The following NCAM2 variants were observed in gnomAD, a reference collection of about 807,000 sequenced individuals.
The protein encoded by NCAM2 is neural cell adhesion molecule 2.
NCAM2 carries 30 observed loss-of-function variants against 98.1 expected under a neutral mutation model. The observed-to-expected ratio is 0.31, with a 90% CI of 0.23 to 0.41. The LOEUF (loss-of-function observed/expected upper bound fraction) is 0.41. NCAM2 is among the 10% of genes least tolerant of loss of function. The pLI is 1.00. For missense variants in NCAM2, 867 were observed against 1,005.8 expected (o/e 0.86, Z 1.87); for synonymous variants, 368 against 342.4 (o/e 1.07, Z -0.83).
chr21:21,435,674 T>G (rs1480451975), intron 12 of NCAM2, among the ~76,000 whole-genome samples: 1 of 152,188 alleles, frequency 6.6e-6, no homozygotes, highest in African/African-American at 2.4e-5. Flanking sequence ...AGTTGAAAAT[T>G]ACAGCACTAC....
intron 1 of NCAM2, among the ~76,000 whole-genome samples, chr21:21,128,847 T>A: frequency 6.6e-6 from 1 of 152,166 alleles, no homozygotes; most frequent in South Asian, 2.1e-4. Flanking sequence ...CTATACAAAA[T>A]CAAATCAGAA....
At chr21:21,016,007 C>T (rs911116181) in intron 1 of NCAM2, among the ~76,000 whole-genome samples, 1 of 152,098 alleles carries the variant, frequency 6.6e-6, no homozygotes, top group African/African-American at 2.4e-5. Context: ...AATGCCCAGT[C>T]GCCTGTATTT....
intron 16 of NCAM2, among the ~76,000 whole-genome samples, chr21:21,533,252 A>G (rs1420757096): frequency 4.1e-5 from 6 of 145,104 alleles, no homozygotes; most frequent in African/African-American, 7.6e-5. Context: ...TAAGAAACAT[A>G]ACAGTTTCCC....
intron 1 of NCAM2, among the ~76,000 whole-genome samples, chr21:21,018,097 A>G (rs2064354615): frequency 1.3e-5 from 2 of 152,118 alleles, no homozygotes; most frequent in Admixed American, 1.3e-4. Flanking sequence ...AAAACATTGG[A>G]CTCATTATTC....
intron 1 of NCAM2, among the ~76,000 whole-genome samples, chr21:21,273,868 A>G (rs2072620931): frequency 6.6e-6 from 1 of 152,214 alleles, no homozygotes; most frequent in African/African-American, 2.4e-5. Flanking sequence ...TAGAAAAAGA[A>G]TCACTAAGAA....
At chr21:21,395,447 A>C (rs1392468663) in intron 9 of NCAM2, among the ~76,000 whole-genome samples, 1 of 152,238 alleles carries the variant, frequency 6.6e-6, no homozygotes, top group African/African-American at 2.4e-5. Flanking sequence ...CATACTGCCA[A>C]AAGCAGTCTA....
At chr21:21,348,608 T>C in intron 8 of NCAM2, among the ~76,000 whole-genome samples, 1 of 116,222 alleles carries the variant, frequency 8.6e-6, no homozygotes, top group East Asian at 3.0e-4. Flanking sequence ...CTAAAATTTA[T>C]ATGGAACACA....
At chr21:21,435,946 A>T (rs917172072) in intron 12 of NCAM2, among the ~76,000 whole-genome samples, 2 of 152,176 alleles carry the variant, frequency 1.3e-5, no homozygotes, top group Non-Finnish European at 2.9e-5. Flanking sequence ...GATCAATATA[A>T]ATGCAATGAG....
intron 1 of NCAM2, among the ~76,000 whole-genome samples, chr21:21,209,469 T>TA (rs1207661738): frequency 5.3e-5 from 8 of 152,276 alleles, no homozygotes; most frequent in Admixed American, 3.3e-4. Context: ...GTGGTGGGGT[T>TA]ACAGGTGTGA....
At chr21:21,008,512 C>A (rs1454540565) in intron 1 of NCAM2, among the ~76,000 whole-genome samples, 1 of 152,092 alleles carries the variant, frequency 6.6e-6, no homozygotes, top group African/African-American at 2.4e-5. Context: ...GGATAATAAA[C>A]TTCAAAAAGG....
chr21:21,305,485 A>G (rs1255007665), intron 5 of NCAM2, among the ~76,000 whole-genome samples: 6 of 152,166 alleles, frequency 3.9e-5, no homozygotes, highest in Non-Finnish European at 5.9e-5. Flanking sequence ...GGCCTTGTCC[A>G]TAAACTTTGG....
chr21:21,191,103 CT>C (rs1329047734), intron 1 of NCAM2, among the ~76,000 whole-genome samples: 1 of 152,090 alleles, frequency 6.6e-6, no homozygotes, highest in African/African-American at 2.4e-5. Context: ...GTGAGGGAAA[CT>C]GTCAGGAGGT....
intron 12 of NCAM2, among the ~76,000 whole-genome samples, chr21:21,463,205 G>T (rs1195874912): frequency 6.6e-6 from 1 of 152,080 alleles, no homozygotes; most frequent in Non-Finnish European, 1.5e-5. Flanking sequence ...AATTACAGAT[G>T]ATTTAATGTA....
intron 1 of NCAM2, among the ~76,000 whole-genome samples, chr21:21,253,293 A>G (rs2071540050): frequency 6.6e-6 from 1 of 152,216 alleles, no homozygotes; most frequent in Non-Finnish European, 1.5e-5. Context: ...TAGTATTGAG[A>G]ACAATTCCTC....
At chr21:21,162,103 T>G (rs558387909) in intron 1 of NCAM2, among the ~76,000 whole-genome samples, 3 of 152,132 alleles carry the variant, frequency 2.0e-5, no homozygotes, top group Non-Finnish European at 4.4e-5. Flanking sequence ...TTAGAGATAC[T>G]TATTACTTTG....
At chr21:21,100,036 A>G (rs963637734) in intron 1 of NCAM2, among the ~76,000 whole-genome samples, 2 of 151,776 alleles carry the variant, frequency 1.3e-5, no homozygotes, top group Non-Finnish European at 1.5e-5. Flanking sequence ...TACCTTTCCA[A>G]CTGACCATGG....
chr21:21,169,717 G>C (rs35841051), intron 1 of NCAM2, among the ~76,000 whole-genome samples: 3 of 151,920 alleles, frequency 2.0e-5, no homozygotes, highest in Non-Finnish European at 4.4e-5. Context: ...GGGAGGCTGA[G>C]ACTGGAGGAT....
chr21:21,308,686 G>A (rs987173218), intron 5 of NCAM2, among the ~76,000 whole-genome samples: 4 of 152,242 alleles, frequency 2.6e-5, no homozygotes, highest in African/African-American at 9.6e-5. Flanking sequence ...TTAGTCATTA[G>A]ATGTTCACAT....
chr21:21,023,810 T>C (rs896715132), intron 1 of NCAM2, among the ~76,000 whole-genome samples: 22 of 152,160 alleles, frequency 1.4e-4, no homozygotes, highest in Non-Finnish European at 2.9e-4. Flanking sequence ...GCATTTATTG[T>C]ATATATATTT....
Sources: gnomAD v4.1 joint callset for allele counts (sites outside exome capture counted in the v4.1 genomes callset) on GRCh38, gnomAD v4.1.1 for gene constraint, MANE v1.5 for transcripts, NCBI Gene and HGNC (gene_info 2026-07-23, HGNC 2026-07-21) for gene names.